AGMO: variants seen among roughly 807,000 people sequenced by gnomAD.
AGMO encodes the protein glyceryl-ether monooxygenase.
AGMO carries 75 observed loss-of-function variants against 60.2 expected under a neutral mutation model. The observed-to-expected ratio is 1.25, with a 90% CI of 1.03 to 1.51. AGMO has a LOEUF of 1.51. AGMO is among the 40% of genes most tolerant of loss of function. The probability of loss-of-function intolerance (pLI) is 0.00; values close to 1 mark genes in which losing one functional copy is unlikely to be tolerated. For missense variants in AGMO, 763 were observed against 525.5 expected, an observed-to-expected ratio of 1.45 and a Z score of -4.42; for synonymous variants, 261 against 177.1, an observed-to-expected ratio of 1.47 and a Z score of -3.76.
chr7:15,332,047 G>A (rs1198656813), intron 12 of AGMO, among the ~76,000 whole-genome samples: 1 of 152,054 alleles, frequency 6.6e-6, no homozygotes, highest in Non-Finnish European at 1.5e-5. Context: ...CTTTCAAAAT[G>A]GAGACGAGTG....
intron 3 of AGMO, among the ~76,000 whole-genome samples, chr7:15,508,062 G>A (rs1190272288): frequency 6.6e-6 from 1 of 151,994 alleles, no homozygotes; most frequent in Non-Finnish European, 1.5e-5. Flanking sequence ...TTTGTTACCC[G>A]CATATCTGCA....
intron 4 of AGMO, among the ~76,000 whole-genome samples, chr7:15,422,574 C>A (rs10274159): frequency 0.074 from 11,266 of 152,156 alleles, 632 homozygotes; most frequent in African/African-American, 0.15. Flanking sequence ...AAAACCCTCA[C>A]ATTTCTCTTT....
At chr7:15,529,740 A>ATATATATATTTCTATATATATATTTCTC (rs1784251829) in intron 3 of AGMO, among the ~76,000 whole-genome samples, 3 of 112,766 alleles carry the variant, frequency 2.7e-5, no homozygotes, top group African/African-American at 1.0e-4. Context: ...TATATATTCT[A>ATATATATATTTCTATATATATATTTCTC]TATATATATT....
chr7:15,544,761 T>G lies in AGMO; in HGVS notation c.409+11A>C. The G allele has an allele frequency of 1.3e-6, 2 of 1,571,328 alleles. No individual in the cohort carries two copies. The highest frequency in any genetic ancestry group is 1.2e-5 in the South Asian group (1 of 83,736). On this transcript the variant is annotated intron_variant, in intron 3 of 12. Coordinates refer to ENST00000342526, the MANE Select transcript of AGMO (RefSeq NM_001004320.2). ...ACATAAGTTAACAAAAAGTCCTCAT[T>G]TGCAGCTTACCATGAGCCATACGAT...
chr7:15,292,843 C>T (rs966866102), intron 12 of AGMO, among the ~76,000 whole-genome samples: 9 of 149,386 alleles, frequency 6.0e-5, no homozygotes, highest in African/African-American at 2.0e-4. Flanking sequence ...CTGCAACCTC[C>T]GCCTCCCAGG....
At chr7:15,244,679 T>C (rs1782690267) in intron 12 of AGMO, among the ~76,000 whole-genome samples, 2 of 152,132 alleles carry the variant, frequency 1.3e-5, no homozygotes, top group Non-Finnish European at 2.9e-5. Flanking sequence ...GACAGAGTCG[T>C]CTCGCACTGT....
At chr7:15,392,617 G>A (rs753152139) in intron 6 of AGMO, among the ~76,000 whole-genome samples, 5 of 152,044 alleles carry the variant, frequency 3.3e-5, no homozygotes, top group Non-Finnish European at 5.9e-5. Flanking sequence ...TGACCAACAT[G>A]GTGAAACTCC....
intron 12 of AGMO, among the ~76,000 whole-genome samples, chr7:15,234,020 G>A (rs1362568692): frequency 6.6e-6 from 1 of 152,164 alleles, no homozygotes; most frequent in African/African-American, 2.4e-5. Flanking sequence ...CTGCACTCCA[G>A]CCTGTGAGAC....
intron 3 of AGMO, among the ~76,000 whole-genome samples, chr7:15,539,910 T>A (rs1008073683): frequency 1.3e-5 from 2 of 152,210 alleles, no homozygotes; most frequent in Non-Finnish European, 2.9e-5. Flanking sequence ...TTTTTTCATA[T>A]GAAAACCCTA....
Position 15,250,945 on chromosome 7 carries a change from C to CA in AGMO, c.1264-49587dup, listed in dbSNP as rs199650043. Reference sequence around the variant, plus strand: ...AGGCAATAAGAGCAAAACTCCATCTCAAAAAAAAAAATATATATATATACC... The same window carrying CA: ...AGGCAATAAGAGCAAAACTCCATCTCAAAAAAAAAAAATATATATATATACC... On this transcript the variant is annotated intron_variant, in intron 12 of 12. Transcript: ENST00000342526. Among the ~76,000 whole-genome samples the CA allele has an allele frequency of 8.5e-3, 1,170 of 137,444 alleles. 12 individuals are homozygous for CA. Among genetic ancestry groups the CA allele is most frequent in the African/African-American group, 0.03 (1,066 of 35,014 alleles). The allele number at this position is 137,444 out of a possible 152,430, so 90.2% of individuals were successfully genotyped here.
At chr7:15,511,392 A>T (rs553104266) in intron 3 of AGMO, among the ~76,000 whole-genome samples, 3 of 152,296 alleles carry the variant, frequency 2.0e-5, no homozygotes, top group African/African-American at 7.2e-5. Context: ...TTTCTCATCA[A>T]CATTATAACA....
chr7:15,472,909 C>G (rs142937313), intron 3 of AGMO, among the ~76,000 whole-genome samples: 2 of 151,882 alleles, frequency 1.3e-5, no homozygotes, highest in Non-Finnish European at 2.9e-5. Flanking sequence ...AAGTAGGAAA[C>G]AAAGCAATAG....
chr7:15,238,805 A>G lies in AGMO; in HGVS notation c.1264-37446T>C, dbSNP rs76070458. ...AAATGCATCCCTTTTATGCAATAAA[A>G]TGTCATAGAAAGTCATAAGTATAGT... is the stretch of plus-strand genomic sequence containing the variant. On this transcript the variant is annotated intron_variant, in intron 12 of 12. Coordinates refer to ENST00000342526, the MANE Select transcript of AGMO (RefSeq NM_001004320.2). Among the ~76,000 whole-genome samples the G allele has an allele frequency of 2.6e-3, 397 of 152,186 alleles. 2 individuals are homozygous for G. The highest frequency in any genetic ancestry group is 9.2e-3 in the African/African-American group (382 of 41,546).
chr7:15,552,208 A>G (rs1313781408), intron 2 of AGMO, among the ~76,000 whole-genome samples: 3 of 152,226 alleles, frequency 2.0e-5, no homozygotes, highest in South Asian at 2.1e-4. Context: ...ACCTAAAACC[A>G]TAAAAACCCT....
At chr7:15,211,425 T>C (rs985398325) in intron 12 of AGMO, among the ~76,000 whole-genome samples, 6 of 152,016 alleles carry the variant, frequency 3.9e-5, no homozygotes, top group Non-Finnish European at 7.4e-5. Context: ...TGCGGCTATA[T>C]GATAATTGCT....
chr7:15,219,713 C>T (rs1781857418), intron 12 of AGMO, among the ~76,000 whole-genome samples: 1 of 152,000 alleles, frequency 6.6e-6, no homozygotes, highest in African/African-American at 2.4e-5. Flanking sequence ...CCTGTTAGGA[C>T]ACCATCTCAG....
chr7:15,492,817 T>C (rs1783103248), intron 3 of AGMO, among the ~76,000 whole-genome samples: 2 of 152,150 alleles, frequency 1.3e-5, no homozygotes, highest in Non-Finnish European at 2.9e-5. Flanking sequence ...TCTGCAATCC[T>C]GCTTCTGTCC....
chr7:15,448,386 C>G (rs1016595089), intron 3 of AGMO, among the ~76,000 whole-genome samples: 7 of 152,084 alleles, frequency 4.6e-5, no homozygotes, highest in African/African-American at 1.7e-4. Context: ...GGAAGTGGGC[C>G]CTTACTAGAC....
At chr7:15,213,345 G>T (rs538198689) in intron 12 of AGMO, among the ~76,000 whole-genome samples, 2 of 151,672 alleles carry the variant, frequency 1.3e-5, no homozygotes, top group Admixed American at 1.3e-4. Context: ...AGGACAAGCA[G>T]TTTATTTGTT....
Sources: allele counts gnomAD v4.1 joint callset (sites outside exome capture counted in the v4.1 genomes callset), GRCh38; gene constraint gnomAD v4.1.1; transcripts MANE v1.5; gene names NCBI Gene and HGNC (gene_info 2026-07-23, HGNC 2026-07-21).